CAMK1D: variants seen among roughly 807,000 people sequenced by gnomAD.
The protein encoded by CAMK1D is calcium/calmodulin-dependent protein kinase type 1D.
A neutral mutation model predicts 47.7 loss-of-function variants in CAMK1D; 9 were observed. The observed-to-expected ratio is 0.19, with a 90% CI of 0.11 to 0.33. The LOEUF (loss-of-function observed/expected upper bound fraction) is 0.33, where lower values mean the gene tolerates loss of function less well. CAMK1D is among the 10% of genes least tolerant of loss of function. The pLI, the probability that CAMK1D is intolerant of heterozygous loss-of-function variation, is 1.00. For synonymous variants in CAMK1D, 184 were observed against 184.9 expected (o/e 0.99, Z 0.04); for missense variants, 291 against 488.7 (o/e 0.60, Z 3.81).
chr10:12,824,740 C>A (rs903694901), intron 9 of CAMK1D, among the ~76,000 whole-genome samples, 188 bp downstream of exon 9: 1 of 152,150 alleles, frequency 6.6e-6, no homozygotes, highest in Non-Finnish European at 1.5e-5. Flanking sequence ...AACACTTCCC[C>A]TCTGTGATCA....
chr10:12,351,089 G>C (rs780607545), intron 1 of CAMK1D, among the ~76,000 whole-genome samples: 1 of 152,034 alleles, frequency 6.6e-6, no homozygotes, highest in African/African-American at 2.4e-5. Context: ...GGCGTCTGCT[G>C]CTGTTCAGTC....
chr10:12,761,193 G>A (rs1449046646), intron 4 of CAMK1D, 107 bp downstream of exon 4: 1 of 1,310,328 alleles, frequency 7.6e-7, no homozygotes, highest in Non-Finnish European at 1.0e-6. Context: ...GATGTAGAGT[G>A]GGTGCAGCAG....
chr10:12,695,424 C>A (rs1488042621), intron 3 of CAMK1D, among the ~76,000 whole-genome samples: 1 of 152,196 alleles, frequency 6.6e-6, no homozygotes, highest in East Asian at 1.9e-4. Context: ...CTTCATAGGC[C>A]AGCTCCTTGA....
intron 6 of CAMK1D, among the ~76,000 whole-genome samples, chr10:12,792,424 G>T (rs550580150): frequency 6.6e-6 from 1 of 152,178 alleles, no homozygotes; most frequent in Admixed American, 6.5e-5. Context: ...TTCTGCAATT[G>T]CTAGGAAATG....
intron 1 of CAMK1D, among the ~76,000 whole-genome samples, chr10:12,477,994 C>CTT (rs67181832): frequency 2.0e-5 from 3 of 149,952 alleles, no homozygotes; most frequent in Non-Finnish European, 3.0e-5. Flanking sequence ...ATCACCTTTT[C>CTT]TTTTTTTCTT....
At chr10:12,794,073 T>C (rs1838092478) in intron 6 of CAMK1D, among the ~76,000 whole-genome samples, 2 of 152,088 alleles carry the variant, frequency 1.3e-5, no homozygotes, top group South Asian at 2.1e-4. Flanking sequence ...GAAGAAAGCG[T>C]TGGAAGGAAA....
intron 3 of CAMK1D, among the ~76,000 whole-genome samples, chr10:12,692,068 T>A (rs991446639): frequency 2.0e-5 from 3 of 152,104 alleles, no homozygotes; most frequent in Non-Finnish European, 4.4e-5. Flanking sequence ...TTGCTCATGA[T>A]TTTTTTTAAA....
At chr10:12,733,900 A>T (rs1409028178) in intron 3 of CAMK1D, among the ~76,000 whole-genome samples, 8 of 152,154 alleles carry the variant, frequency 5.3e-5, no homozygotes, top group African/African-American at 1.9e-4. Context: ...AAATTATTTA[A>T]CCGTTCTTGA....
chr10:12,532,266 GTTTATCTT>G (rs1187470865), intron 1 of CAMK1D, among the ~76,000 whole-genome samples: 1 of 150,998 alleles, frequency 6.6e-6, no homozygotes, highest in Non-Finnish European at 1.5e-5. Context: ...CAAGAGTCCT[GTTTATCTT>G]TTTATTTTCT....
At chr10:12,592,271 G>A (rs559838277) in intron 2 of CAMK1D, among the ~76,000 whole-genome samples, 4 of 152,172 alleles carry the variant, frequency 2.6e-5, no homozygotes, top group South Asian at 4.2e-4. Flanking sequence ...TCTCCTTTCC[G>A]GAATCCATTC....
chr10:12,459,067 C>T (rs188248157), intron 1 of CAMK1D, among the ~76,000 whole-genome samples: 5 of 151,874 alleles, frequency 3.3e-5, no homozygotes, highest in South Asian at 2.1e-4. Context: ...TTAGTAGAGA[C>T]GGGGTTTTGC....
intron 3 of CAMK1D, among the ~76,000 whole-genome samples, chr10:12,736,836 C>T (rs1032938051): frequency 6.6e-5 from 10 of 152,200 alleles, no homozygotes; most frequent in African/African-American, 2.4e-4. Context: ...CAGAACTCAG[C>T]ATCTGCGTCA....
intron 2 of CAMK1D, among the ~76,000 whole-genome samples, chr10:12,644,074 G>A (rs1268224092): frequency 6.6e-6 from 1 of 152,088 alleles, no homozygotes; most frequent in Non-Finnish European, 1.5e-5. Flanking sequence ...TAAATGTAAT[G>A]TGCTGAAATC....
chr10:12,515,416 T>TC (rs1287928973), intron 1 of CAMK1D, among the ~76,000 whole-genome samples: 20,873 of 90,628 alleles, frequency 0.23, 1,759 homozygotes, highest in South Asian at 0.29. Context: ...TTTTTTTTTT[T>TC]TCTTTTTTTT....
chr10:12,578,932 A>G (rs1277471487), intron 2 of CAMK1D: 1 of 153,322 alleles, frequency 6.5e-6, no homozygotes, highest in Non-Finnish European at 1.5e-5. Context: ...GACGCATAGC[A>G]CATGAGCCCT....
chr10:12,821,922 C>T (rs1369761575), intron 8 of CAMK1D, among the ~76,000 whole-genome samples: 2 of 152,054 alleles, frequency 1.3e-5, no homozygotes, highest in Non-Finnish European at 2.9e-5. Context: ...TGCAGTGAGT[C>T]GAGATCGCAC....
At chr10:12,454,113 T>C (rs1330589673) in intron 1 of CAMK1D, among the ~76,000 whole-genome samples, 2 of 152,204 alleles carry the variant, frequency 1.3e-5, no homozygotes. Flanking sequence ...GGAAATTTCT[T>C]ACTATATTAT....
chr10:12,518,290 G>A (rs945405128), intron 1 of CAMK1D, among the ~76,000 whole-genome samples: 2 of 152,134 alleles, frequency 1.3e-5, no homozygotes, highest in African/African-American at 4.8e-5. Flanking sequence ...TGGCAGAGTG[G>A]AATAGTTATG....
rs1406374786 is a variant in CAMK1D, at chr10:12,825,708, C to T, written c.1039+18C>T. The T allele has an allele frequency of 8.1e-6, 13 of 1,614,024 alleles. No homozygotes were observed. Among genetic ancestry groups the T allele is most frequent in the African/African-American group, 4.0e-5 (3 of 74,944 alleles). ...AAAAGACTGTGCGTATGTAGCAAAACCAGAATCCCTCAGCTGACACTGAAG... is the reference window on the plus strand; with the variant it reads ...AAAAGACTGTGCGTATGTAGCAAAATCAGAATCCCTCAGCTGACACTGAAG... On this transcript the variant is annotated intron_variant, in intron 10 of 10. Coordinates refer to ENST00000619168, the MANE Select transcript of CAMK1D (RefSeq NM_153498.4).
Sources: gnomAD v4.1 joint callset for allele counts (sites outside exome capture counted in the v4.1 genomes callset) on GRCh38, gnomAD v4.1.1 for gene constraint, MANE v1.5 for transcripts, NCBI Gene and HGNC (gene_info 2026-07-23, HGNC 2026-07-21) for gene names.